Variants in LPCAT2 observed in about 807,000 individuals in gnomAD.
The protein encoded by LPCAT2 is lysophosphatidylcholine acyltransferase 2, also known as 1-AGP acyltransferase 11.
A neutral mutation model predicts 64.7 loss-of-function variants in LPCAT2; 58 were observed. That is an observed-to-expected ratio of 0.90 (90% CI 0.73 to 1.12). LPCAT2 has a LOEUF of 1.12. Among genes scored for constraint, LPCAT2 ranks in the 50% most tolerant of loss-of-function variants. The probability of loss-of-function intolerance (pLI) is 0.00; values close to 1 mark genes in which losing one functional copy is unlikely to be tolerated. For missense variants in LPCAT2, 579 were observed against 669.8 expected, an observed-to-expected ratio of 0.86 and a Z score of 1.50; for synonymous variants, 252 against 245.3, an observed-to-expected ratio of 1.03 and a Z score of -0.26.
At chr16:55,582,380 T>G (rs1288820974) in intron 13 of LPCAT2, among the ~76,000 whole-genome samples, 1 of 152,208 alleles carries the variant, frequency 6.6e-6, no homozygotes, top group East Asian at 1.9e-4. Flanking sequence ...ATTTTAGTTT[T>G]GTCTAAGTTT....
chr16:55,558,467 T>G (rs1380151831), intron 11 of LPCAT2, among the ~76,000 whole-genome samples: 4 of 152,242 alleles, frequency 2.6e-5, no homozygotes, highest in Non-Finnish European at 5.9e-5. Flanking sequence ...TAATTTTTTT[T>G]GCAAACTTGC....
chr16:55,534,530 AAAAG>A (rs1436584584), intron 7 of LPCAT2, 53 bp downstream of exon 7: 113 of 822,942 alleles, frequency 1.4e-4, no homozygotes, highest in Admixed American at 2.0e-4. Context: ...TTAGTGAAGA[AAAAG>A]AAAGATCATT....
chr16:55,545,671 T>C (rs1596869316), intron 8 of LPCAT2, 64 bp from the exon 9 acceptor site: 3 of 1,018,142 alleles, frequency 2.9e-6, no homozygotes, highest in African/African-American at 3.2e-5. Context: ...TATAAATTAA[T>C]TTACTTGGCA....
In LPCAT2 at chr16:55,549,353, C is replaced by A; in HGVS notation, c.1012C>A (p.Pro338Thr). 6.2e-7 allele frequency: 1 copy of A among 1,602,468 alleles called. No individual in the cohort carries two copies. Among genetic ancestry groups the A allele is most frequent in the South Asian group, 1.1e-5 (1 of 88,706 alleles). Residue 338 changes from proline (P) to threonine (T), a missense_variant, in exon 10 of 14, where the codon CCT becomes ACT. Pro to Thr is a conservative substitution (Grantham distance 38, BLOSUM62 -1). Transcript: ENST00000262134. ...GATTTCAGCAGGACAGCTAACATTG[C>A]CTATGGAAGCTGGGCTGGTGGAATT... Reference protein sequence around the residue: ...LMISAGQLTLPMEAGLVEFTK... With the variant: ...LMISAGQLTLTMEAGLVEFTK...
chr16:55,525,320 T>G (rs768434798), intron 1 of LPCAT2, among the ~76,000 whole-genome samples, 188 bp from the exon 2 acceptor site: 4 of 152,166 alleles, frequency 2.6e-5, no homozygotes, highest in Non-Finnish European at 4.4e-5. Flanking sequence ...CACAGTAGGC[T>G]TTGTGAAGTC....
intron 12 of LPCAT2, 179 bp from the exon 13 acceptor site, chr16:55,578,928 GTC>G (rs1483344149): frequency 1.6e-6 from 1 of 611,210 alleles, no homozygotes; most frequent in Non-Finnish European, 2.9e-6. Context: ...TTTTAATCCT[GTC>G]TCTCTCAAAC....
At chr16:55,539,724 G>C (rs1963373371) in intron 8 of LPCAT2, 1 of 152,102 alleles carries the variant, frequency 6.6e-6, no homozygotes, top group East Asian at 1.9e-4. Flanking sequence ...CCCAGCTTGA[G>C]ATTGGTTTGT....
At chr16:55,549,128 CTT>C (rs1336134945) in intron 9 of LPCAT2, 147 bp from the exon 10 acceptor site, 6 of 557,228 alleles carry the variant, frequency 1.1e-5, no homozygotes, top group African/African-American at 1.0e-4. Context: ...AAACATGTCT[CTT>C]TGTCAAGAAA....
chr16:55,520,356 A>T (rs1239390375), intron 1 of LPCAT2, among the ~76,000 whole-genome samples: 1 of 152,108 alleles, frequency 6.6e-6, no homozygotes, highest in Non-Finnish European at 1.5e-5. Flanking sequence ...TATGTACGTA[A>T]TATCAGAACT....
At chr16:55,534,366 C>T in intron 6 of LPCAT2, 77 bp from the exon 7 acceptor site, 1 of 832,256 alleles carries the variant, frequency 1.2e-6, no homozygotes, top group Non-Finnish European at 2.0e-6. Context: ...ACATGAATCC[C>T]CATATTAAAA....
chr16:55,526,067 T>C (rs1963166494), intron 2 of LPCAT2: 1 of 152,622 alleles, frequency 6.6e-6, no homozygotes, highest in Admixed American at 6.5e-5. Context: ...TACAGCTTTC[T>C]GCAGTGGCAT....
At chr16:55,527,314 T>A (rs1053967394) in intron 2 of LPCAT2, among the ~76,000 whole-genome samples, 2 of 151,832 alleles carry the variant, frequency 1.3e-5, no homozygotes, top group African/African-American at 2.4e-5. Context: ...TGAAACCCCA[T>A]CTCTACTAAA....
chr16:55,547,417 C>A (rs1247512589), intron 9 of LPCAT2, among the ~76,000 whole-genome samples: 2 of 152,130 alleles, frequency 1.3e-5, no homozygotes, highest in African/African-American at 2.4e-5. Flanking sequence ...TATTAGGAGA[C>A]TCAAGTAGGA....
At position 55,525,632 on chromosome 16, in the gene LPCAT2, T is replaced by A. The variant is rs1218634590; in HGVS notation, c.296T>A (p.Ile99Lys). The change falls in exon 2 of 14, where the codon ATA becomes AAA. Residue 99 changes from isoleucine to lysine, a missense_variant. Transcript: ENST00000262134. ...TGTCCTGAAAAGCTGACCCACCCAA[T>A]AACTGGTTGGAGGAGGTAAGAAATA... ...VCCPEKLTHPITGWRRKITQT... is the reference protein window; with the variant it reads ...VCCPEKLTHPKTGWRRKITQT... 6.2e-7 allele frequency: 1 copy of A among 1,606,592 alleles called. No individual in the cohort carries two copies. The highest frequency in any genetic ancestry group is 8.5e-7 in the Non-Finnish European group (1 of 1,176,606).
At position 55,583,127 on chromosome 16, in the gene LPCAT2, G is replaced by A. The variant is rs546649404; in HGVS notation, c.*29G>A. 8 of 1,539,834 alleles carry A rather than the reference G, an allele frequency of 5.2e-6. No individual in the cohort carries two copies. The African/African-American group carries it at 8.2e-5, about 16-fold the overall frequency. On this transcript the variant is annotated 3_prime_UTR_variant, in exon 14 of 14. Transcript: ENST00000262134. ...CAGTATTTCCAATAAGGAAAACACA[G>A]TAGCTTTTGCTTGAAATTGTAAAGG...
Position 55,529,888 on chromosome 16 carries a change from C to A in LPCAT2, c.583C>A (p.Arg195=). The A allele has an allele frequency of 2.5e-6, 4 of 1,592,912 alleles. No individual in the cohort carries two copies. Among genetic ancestry groups the A allele is most frequent in the East Asian group, 4.6e-5 (2 of 43,886 alleles). ...VLVSRVDPDS[R]KNTINEIIKR... is the part of the protein sequence containing the mutation. ...GGTGTCCCGTGTAGATCCGGATTCC[C>A]GAAAAAACACAATAAATGAAATAAT... Residue 195 remains arginine (R), a synonymous_variant, in exon 4 of 14, where the codon CGA becomes AGA. Coordinates refer to ENST00000262134, the MANE Select transcript of LPCAT2 (RefSeq NM_017839.5).
chr16:55,528,445 C>G lies in LPCAT2; in HGVS notation c.380C>G (p.Ala127Gly). 6.2e-7 allele frequency: 1 copy of G among 1,613,948 alleles called. No individual in the cohort carries two copies. The highest frequency in any genetic ancestry group is 8.5e-7 in the Non-Finnish European group (1 of 1,179,954). Residue 127 changes from alanine to glycine, a missense_variant, in exon 3 of 14, where the codon GCT becomes GGT. By Grantham distance (60) the Ala-to-Gly change is moderately conservative (BLOSUM62 0). Transcript: ENST00000262134. Reference protein sequence around the residue: ...AMFFSMGFIVAVKGKIASPLE... With the variant: ...AMFFSMGFIVGVKGKIASPLE... ...TTCTTTTCAATGGGATTTATAGTTG[C>G]TGTAAAAGGAAAGATTGCAAGTCCT...
In LPCAT2 at chr16:55,549,343, G is replaced by A. The variant is rs1473462113; in HGVS notation, c.1002G>A (p.Gln334=). The change falls in exon 10 of 14, where the codon CAG becomes CAA. Residue 334 remains glutamine (Q), a synonymous_variant. Transcript: ENST00000262134. The part of the protein sequence containing the change: ...EDCRLMISAG[Q]LTLPMEAGLV... ...GCAGATTGATGATTTCAGCAGGACA[G>A]CTAACATTGCCTATGGAAGCTGGGC... 5.6e-6 allele frequency: 9 copies of A among 1,603,890 alleles called. No homozygotes were observed. The highest frequency in any genetic ancestry group is 7.7e-6 in the Non-Finnish European group (9 of 1,176,208).
intron 1 of LPCAT2, among the ~76,000 whole-genome samples, chr16:55,515,486 T>G (rs1174660119): frequency 2.6e-5 from 4 of 151,916 alleles, no homozygotes; most frequent in African/African-American, 9.7e-5. Flanking sequence ...TCTCTCAGGC[T>G]GAAATGAAAG....
Sources: allele counts gnomAD v4.1 joint callset (sites outside exome capture counted in the v4.1 genomes callset), GRCh38; gene constraint gnomAD v4.1.1; transcripts MANE v1.5; gene names NCBI Gene and HGNC (gene_info 2026-07-23, HGNC 2026-07-21).